Variants in ZMIZ1 observed in about 807,000 individuals in gnomAD.
The protein encoded by ZMIZ1 is zinc finger MIZ domain-containing protein 1.
ZMIZ1 carries 17 observed loss-of-function variants against 113.9 expected under a neutral mutation model. That is an observed-to-expected ratio of 0.15 (90% confidence interval 0.10 to 0.22). ZMIZ1 has a LOEUF of 0.22. ZMIZ1 is among the 10% of genes least tolerant of loss of function. The probability of loss-of-function intolerance (pLI) is 1.00; values close to 1 mark genes in which losing one functional copy is unlikely to be tolerated. For synonymous variants in ZMIZ1, 607 were observed against 603.1 expected, an observed-to-expected ratio of 1.01 and a Z score of -0.09; for missense variants, 1,059 against 1,477.8, an observed-to-expected ratio of 0.72 and a Z score of 4.65.
At chr10:79,130,049 A>G (rs72816252) in intron 2 of ZMIZ1, among the ~76,000 whole-genome samples, 32,063 of 152,092 alleles carry the variant, frequency 0.21, 3,909 homozygotes, top group East Asian at 0.42. Flanking sequence ...GGAGATGCCT[A>G]GGTCATCCTT....
intron 6 of ZMIZ1, 99 bp downstream of exon 6, chr10:79,208,548 G>C: frequency 1.4e-5 from 14 of 1,002,496 alleles, no homozygotes; most frequent in Non-Finnish European, 2.1e-5. Flanking sequence ...GACATTGGGA[G>C]GTGACACCAG....
At chr10:79,140,744 A>G (rs561550927) in intron 3 of ZMIZ1, among the ~76,000 whole-genome samples, 1 of 152,054 alleles carries the variant, frequency 6.6e-6, no homozygotes, top group African/African-American at 2.4e-5. Context: ...ATGGACTCTC[A>G]CACCAGGCCA....
chr10:79,127,526 C>T (rs971253520), intron 2 of ZMIZ1, among the ~76,000 whole-genome samples: 1 of 152,050 alleles, frequency 6.6e-6, no homozygotes, highest in African/African-American at 2.4e-5. Flanking sequence ...ATCCTCACAA[C>T]CCCTGACTCA....
At chr10:79,117,593 T>C (rs537739905) in intron 1 of ZMIZ1, among the ~76,000 whole-genome samples, 42 of 152,256 alleles carry the variant, frequency 2.8e-4, no homozygotes, top group Non-Finnish European at 3.8e-4. Flanking sequence ...ACGAGCATTC[T>C]AACACATGTC....
At chr10:79,077,340 G>T (rs534063257) in intron 1 of ZMIZ1, among the ~76,000 whole-genome samples, 1 of 152,322 alleles carries the variant, frequency 6.6e-6, no homozygotes, top group Non-Finnish European at 1.5e-5. Flanking sequence ...CCCTTTCCTG[G>T]TGTGTGCAAG....
chr10:79,302,635 A>G (rs560127841), intron 18 of ZMIZ1, among the ~76,000 whole-genome samples: 2 of 144,250 alleles, frequency 1.4e-5, no homozygotes, highest in South Asian at 4.8e-4. Flanking sequence ...GGCAGAAGGC[A>G]TGGAGGGTGG....
At chr10:79,139,478 A>G (rs1017573734) in intron 2 of ZMIZ1, among the ~76,000 whole-genome samples, 2 of 152,190 alleles carry the variant, frequency 1.3e-5, no homozygotes, top group Non-Finnish European at 2.9e-5. Flanking sequence ...TCAAAATCCC[A>G]CTAGGAGGAA....
At chr10:79,247,707 A>G (rs1850293167) in intron 7 of ZMIZ1, among the ~76,000 whole-genome samples, 1 of 152,190 alleles carries the variant, frequency 6.6e-6, no homozygotes, top group African/African-American at 2.4e-5. Flanking sequence ...AATGGAGAAC[A>G]GGGGATTTAG....
At chr10:79,235,301 G>C (rs886581265) in intron 7 of ZMIZ1, among the ~76,000 whole-genome samples, 5 of 152,338 alleles carry the variant, frequency 3.3e-5, no homozygotes, top group African/African-American at 9.6e-5. Flanking sequence ...GTGAAAGGAA[G>C]GCAGGAAGGC....
At chr10:79,135,136 A>G (rs1227680026) in intron 2 of ZMIZ1, among the ~76,000 whole-genome samples, 2 of 152,230 alleles carry the variant, frequency 1.3e-5, no homozygotes, top group Non-Finnish European at 1.5e-5. Flanking sequence ...TTAAGTACAT[A>G]AAGAATTAAG....
chr10:79,165,171 C>T (rs118081386), intron 4 of ZMIZ1, among the ~76,000 whole-genome samples: 323 of 152,278 alleles, frequency 2.1e-3, no homozygotes, highest in Middle Eastern at 0.02. Flanking sequence ...TCAGCAGCTC[C>T]CTTTCCCTTT....
chr10:79,167,506 G>A (rs532011996), intron 4 of ZMIZ1, among the ~76,000 whole-genome samples: 89 of 152,288 alleles, frequency 5.8e-4, no homozygotes, highest in African/African-American at 2.1e-3. Context: ...ATAAGGAACC[G>A]AGGCACAGGG....
intron 4 of ZMIZ1, among the ~76,000 whole-genome samples, chr10:79,197,483 G>A (rs1022162118): frequency 2.0e-5 from 3 of 152,156 alleles, no homozygotes; most frequent in Non-Finnish European, 4.4e-5. Context: ...TGTGGATGCT[G>A]GCTGAGGGTC....
intron 7 of ZMIZ1, among the ~76,000 whole-genome samples, chr10:79,247,439 G>A (rs888972169): frequency 5.9e-5 from 9 of 152,196 alleles, no homozygotes; most frequent in African/African-American, 1.9e-4. Flanking sequence ...CCAGAGTACT[G>A]GGCGTGAGGA....
chr10:79,264,008 A>G lies in ZMIZ1; in HGVS notation c.281-13173A>G, dbSNP rs79400166. Among the ~76,000 whole-genome samples the G allele has an allele frequency of 9.6e-3, 1,459 of 152,328 alleles. 18 individuals are homozygous for G. The highest frequency in any genetic ancestry group is 0.016 in the Non-Finnish European group (1,095 of 68,028). On this transcript the variant is annotated intron_variant, in intron 7 of 24. Coordinates refer to ENST00000334512, the MANE Select transcript of ZMIZ1 (RefSeq NM_020338.4). ...TCACATAACCCCTCCTTACCCTTCC[A>G]TCTCCCTGAGAGCCAGCAACGGGCA... is the stretch of plus-strand genomic sequence containing the variant.
chr10:79,223,113 C>T (rs1235788805), intron 7 of ZMIZ1, among the ~76,000 whole-genome samples: 2 of 152,226 alleles, frequency 1.3e-5, no homozygotes, highest in Non-Finnish European at 2.9e-5. Context: ...CTGCCCACCC[C>T]AGAACATGCA....
chr10:79,198,493 G>T (rs1451186233), intron 4 of ZMIZ1, among the ~76,000 whole-genome samples: 4 of 152,114 alleles, frequency 2.6e-5, no homozygotes, highest in Non-Finnish European at 4.4e-5. Flanking sequence ...GGGCTTCAGG[G>T]TGTGACATGT....
intron 1 of ZMIZ1, among the ~76,000 whole-genome samples, chr10:79,113,771 G>T (rs889867499): frequency 2.0e-5 from 3 of 151,746 alleles, no homozygotes; most frequent in African/African-American, 7.3e-5. Context: ...TCTGGCCAAG[G>T]CTGCCCCCCT....
chr10:79,259,061 C>T (rs1052958495), intron 7 of ZMIZ1, among the ~76,000 whole-genome samples: 1 of 152,148 alleles, frequency 6.6e-6, no homozygotes, highest in South Asian at 2.1e-4. Flanking sequence ...TCGCCCCAGC[C>T]GCCCGTATTA....
Sources: gnomAD v4.1 joint callset for allele counts (sites outside exome capture counted in the v4.1 genomes callset) on GRCh38, gnomAD v4.1.1 for gene constraint, MANE v1.5 for transcripts, NCBI Gene and HGNC (gene_info 2026-07-23, HGNC 2026-07-21) for gene names.